Variants in ZNF804A observed in about 807,000 individuals in gnomAD.
ZNF804A encodes the protein zinc finger protein 804A.
In ZNF804A, 2 loss-of-function variants were observed where a neutral mutation model predicts 16.5. The ratio of observed to expected loss-of-function variants is 0.12; its 90% CI spans 0.05 to 0.38. The LOEUF is 0.38. Ranked by LOEUF, ZNF804A falls within the 10% of genes least tolerant of loss-of-function variation. The pLI, the probability that ZNF804A is intolerant of heterozygous loss-of-function variation, is 0.99. For missense variants in ZNF804A, 1,473 were observed against 1,390.7 expected (o/e 1.06, Z -0.94); for synonymous variants, 534 against 489.6 (o/e 1.09, Z -1.20).
chr2:184,844,735 T>C (rs1236070511), intron 1 of ZNF804A, among the ~76,000 whole-genome samples: 1 of 152,086 alleles, frequency 6.6e-6, no homozygotes, highest in Non-Finnish European at 1.5e-5. Flanking sequence ...CTAAACTTCC[T>C]GGATCTATGG....
chr2:184,603,087 C>G (rs1046619133), intron 1 of ZNF804A, among the ~76,000 whole-genome samples: 1 of 152,076 alleles, frequency 6.6e-6, no homozygotes, highest in Admixed American at 6.5e-5. Context: ...GTAGGCTGCC[C>G]TGCATTTCTA....
intron 1 of ZNF804A, among the ~76,000 whole-genome samples, chr2:184,821,669 A>G (rs1404994595): frequency 2.6e-5 from 4 of 152,208 alleles, no homozygotes; most frequent in African/African-American, 9.6e-5. Context: ...TCCATCTGAT[A>G]AAAGTCTAGT....
At chr2:184,736,442 C>T (rs1191584555) in intron 1 of ZNF804A, among the ~76,000 whole-genome samples, 1 of 152,050 alleles carries the variant, frequency 6.6e-6, no homozygotes, top group East Asian at 1.9e-4. Context: ...GAGATCATGT[C>T]CTTTGCAGAG....
At chr2:184,701,036 A>G (rs1212805531) in intron 1 of ZNF804A, among the ~76,000 whole-genome samples, 3 of 151,958 alleles carry the variant, frequency 2.0e-5, no homozygotes, top group Admixed American at 2.0e-4. Flanking sequence ...TATTGACCTT[A>G]ATGTGGCAAA....
intron 2 of ZNF804A, among the ~76,000 whole-genome samples, chr2:184,883,147 T>C (rs1163927285): frequency 6.6e-6 from 1 of 152,012 alleles, no homozygotes; most frequent in Non-Finnish European, 1.5e-5. Flanking sequence ...CAGAGGCTAC[T>C]ATAAACATCT....
intron 1 of ZNF804A, among the ~76,000 whole-genome samples, chr2:184,781,154 C>G (rs1412694593): frequency 1.3e-5 from 2 of 151,794 alleles, no homozygotes; most frequent in Admixed American, 1.3e-4. Flanking sequence ...TTCCAGAACT[C>G]TAGATTTGGG....
At chr2:184,710,426 T>G (rs1360239582) in intron 1 of ZNF804A, among the ~76,000 whole-genome samples, 2 of 151,678 alleles carry the variant, frequency 1.3e-5, no homozygotes, top group African/African-American at 4.8e-5. Flanking sequence ...ATTTATTTTT[T>G]GTGCCTTTAA....
chr2:184,875,427 G>T (rs1359925467), intron 2 of ZNF804A, among the ~76,000 whole-genome samples: 1 of 151,998 alleles, frequency 6.6e-6, no homozygotes, highest in Non-Finnish European at 1.5e-5. Context: ...TCTCTTTCTT[G>T]TGCCCTCTCT....
At chr2:184,726,582 G>C (rs1366995213) in intron 1 of ZNF804A, among the ~76,000 whole-genome samples, 3 of 151,432 alleles carry the variant, frequency 2.0e-5, no homozygotes, top group African/African-American at 7.3e-5. Context: ...AAATTGTCAT[G>C]AGAAAATAAA....
At chr2:184,666,280 G>A (rs1220007057) in intron 1 of ZNF804A, among the ~76,000 whole-genome samples, 1 of 151,838 alleles carries the variant, frequency 6.6e-6, no homozygotes, top group Admixed American at 6.6e-5. Flanking sequence ...TCTCAAAATA[G>A]CCTTATTAAT....
At chr2:184,830,901 T>A (rs527263182) in intron 1 of ZNF804A, among the ~76,000 whole-genome samples, 4 of 152,178 alleles carry the variant, frequency 2.6e-5, no homozygotes, top group African/African-American at 9.6e-5. Context: ...GAAAATAACA[T>A]GACACAATAA....
At chr2:184,602,308 G>A (rs1691062664) in intron 1 of ZNF804A, among the ~76,000 whole-genome samples, 1 of 151,884 alleles carries the variant, frequency 6.6e-6, no homozygotes, top group Non-Finnish European at 1.5e-5. Context: ...CATGATTTCT[G>A]TTAAAAGCTG....
intron 2 of ZNF804A, among the ~76,000 whole-genome samples, chr2:184,893,868 G>A (rs747521968): frequency 2.6e-5 from 4 of 152,026 alleles, no homozygotes; most frequent in Non-Finnish European, 5.9e-5. Context: ...CTGGAGCAGT[G>A]TCTAATTGAT....
intron 1 of ZNF804A, among the ~76,000 whole-genome samples, chr2:184,618,498 T>A (rs1574133774): frequency 6.6e-6 from 1 of 152,126 alleles, no homozygotes; most frequent in Non-Finnish European, 1.5e-5. Flanking sequence ...AATTCAGGTG[T>A]TAAAATATTT....
At chr2:184,783,539 A>C (rs745378796) in intron 1 of ZNF804A, among the ~76,000 whole-genome samples, 2 of 151,866 alleles carry the variant, frequency 1.3e-5, no homozygotes, top group African/African-American at 2.4e-5. Flanking sequence ...GATGCACTTA[A>C]ATTTGGAAAT....
intron 1 of ZNF804A, among the ~76,000 whole-genome samples, chr2:184,612,525 G>A (rs188850838): frequency 3.5e-4 from 53 of 150,688 alleles, no homozygotes; most frequent in Middle Eastern, 3.5e-3. Flanking sequence ...TGCAACCTCC[G>A]CCTCCCAGGT....
intron 1 of ZNF804A, among the ~76,000 whole-genome samples, chr2:184,653,972 C>CG (rs1237971176): frequency 2.0e-5 from 3 of 152,094 alleles, no homozygotes; most frequent in African/African-American, 7.2e-5. Flanking sequence ...CATCAGGAAA[C>CG]GGCCTTTCCC....
intron 1 of ZNF804A, among the ~76,000 whole-genome samples, chr2:184,639,231 G>A (rs1468414724): frequency 6.6e-6 from 1 of 151,682 alleles, no homozygotes; most frequent in African/African-American, 2.4e-5. Flanking sequence ...CCACCACCAC[G>A]CCCAGCTAAT....
Position 184,687,793 on chromosome 2 carries a change from A to G in ZNF804A, c.111+88723A>G, listed in dbSNP as rs537062590. Among the ~76,000 whole-genome samples the G allele has an allele frequency of 2.0e-5, 3 of 152,328 alleles. No individual in the cohort carries two copies. The East Asian group carries it at 5.8e-4, about 29-fold the overall frequency. On this transcript the variant is annotated intron_variant, in intron 1 of 3. Transcript: ENST00000302277. ...TTTTATGTTCTGTATATTTTACCACAATAAAAAAAATTTAGACAGGCCAAA... is the reference window on the plus strand; with the variant it reads ...TTTTATGTTCTGTATATTTTACCACGATAAAAAAAATTTAGACAGGCCAAA...
Sources: gnomAD v4.1 joint callset for allele counts (sites outside exome capture counted in the v4.1 genomes callset) on GRCh38, gnomAD v4.1.1 for gene constraint, MANE v1.5 for transcripts, NCBI Gene and HGNC (gene_info 2026-07-23, HGNC 2026-07-21) for gene names.